The following FYB2 variants were observed in gnomAD, a reference collection of about 807,000 sequenced individuals.
FYB2 encodes FYN-binding protein 2.
A neutral mutation model predicts 94.1 loss-of-function variants in FYB2; 103 were observed. The observed-to-expected ratio is 1.09, with a 90% CI of 0.93 to 1.29. The LOEUF is 1.29. FYB2 is among the 50% of genes most tolerant of loss of function. The pLI is 0.00. For missense variants in FYB2, 896 were observed against 841.5 expected, an observed-to-expected ratio of 1.06 and a Z score of -0.80; for synonymous variants, 293 against 287.9, an observed-to-expected ratio of 1.02 and a Z score of -0.18.
At chr1:56,812,516 C>A (rs1180747853) in intron 1 of FYB2, among the ~76,000 whole-genome samples, 1 of 152,084 alleles carries the variant, frequency 6.6e-6, no homozygotes, top group East Asian at 1.9e-4. Flanking sequence ...TACAAAATTG[C>A]TTAATTATTA....
At chr1:56,761,119 G>A (rs1313015469) in intron 5 of FYB2, among the ~76,000 whole-genome samples, 1 of 152,134 alleles carries the variant, frequency 6.6e-6, no homozygotes, top group Admixed American at 6.6e-5. Flanking sequence ...GTCATGTCTT[G>A]GAGGCCTTTT....
At chr1:56,757,038 A>C (rs1645350541) in intron 6 of FYB2, among the ~76,000 whole-genome samples, 1 of 152,164 alleles carries the variant, frequency 6.6e-6, no homozygotes, top group African/African-American at 2.4e-5. Context: ...TCATTAAGAA[A>C]GGAAGAGATC....
chr1:56,755,788 C>A lies in FYB2; in HGVS notation c.1130+108G>T, dbSNP rs1645314181. On this transcript the variant is annotated intron_variant, in intron 7 of 19. Coordinates refer to ENST00000343433, the MANE Select transcript of FYB2 (RefSeq NM_001004303.5). The stretch of plus-strand genomic sequence containing the variant: ...TTGCAAGGTGCCGGGGAAACTGAAC[C>A]AGGCTAGCTCAGTTTGGAAACATAG... 2.7e-6 allele frequency: 3 copies of A among 1,098,504 alleles called. No individual in the cohort carries two copies. In the Admixed American group the frequency reaches 6.0e-5, roughly 22 times the overall value. The allele number at this position is 1,098,504 out of a possible 1,614,324, so 68.0% of individuals were successfully genotyped here. A position where few individuals can be genotyped will look rare whatever the true frequency, so the allele number is the denominator to read the frequency against.
At chr1:56,778,537 G>C (rs1774819) in intron 4 of FYB2, among the ~76,000 whole-genome samples, 118,185 of 152,102 alleles carry the variant, frequency 0.78, 46,951 homozygotes, top group East Asian at 0.97. Flanking sequence ...ATTAATTTTT[G>C]TCATTGAGCT....
chr1:56,737,258 G>T, intron 14 of FYB2, 111 bp from the exon 15 acceptor site: 2 of 685,512 alleles, frequency 2.9e-6, no homozygotes, highest in Non-Finnish European at 4.8e-6. Context: ...CTTCAGGTCT[G>T]TTTTAGCAAA....
chr1:56,812,621 G>A (rs533006948), intron 1 of FYB2, among the ~76,000 whole-genome samples: 2 of 152,156 alleles, frequency 1.3e-5, no homozygotes, highest in Non-Finnish European at 2.9e-5. Context: ...CTCCCCAGGG[G>A]CTTGTTATTT....
upstream of FYB2, among the ~76,000 whole-genome samples, chr1:56,820,129 G>A (rs957520603): frequency 2.6e-5 from 4 of 151,930 alleles, no homozygotes; most frequent in African/African-American, 9.7e-5. Flanking sequence ...TACTTGGGAG[G>A]CTGAGGCAGG....
At chr1:56,817,523 C>T in intron 1 of FYB2, among the ~76,000 whole-genome samples, 1 of 152,158 alleles carries the variant, frequency 6.6e-6, no homozygotes, top group East Asian at 1.9e-4. Context: ...TTTGTCTTCT[C>T]TCACTAGAAT....
intron 1 of FYB2, among the ~76,000 whole-genome samples, chr1:56,810,410 C>CCGAGGCAGCTAACAATGCTAGTACAGAA (rs1397693715): frequency 7.8e-4 from 118 of 152,100 alleles, no homozygotes; most frequent in Non-Finnish European, 1.5e-3. Flanking sequence ...CTGTTTCCCA[C>CCGAGGCAGCTAACAATGCTAGTACAGAA]CGAGGCAGCT....
At chr1:56,730,532 C>A (rs1333815763) in intron 15 of FYB2, among the ~76,000 whole-genome samples, 1 of 151,784 alleles carries the variant, frequency 6.6e-6, no homozygotes, top group African/African-American at 2.4e-5. Flanking sequence ...AATGGGAAAA[C>A]CTGGAGGAAA....
intron 6 of FYB2, among the ~76,000 whole-genome samples, chr1:56,758,348 A>T (rs974583730): frequency 6.7e-6 from 1 of 149,334 alleles, no homozygotes; most frequent in Admixed American, 6.6e-5. Flanking sequence ...ACCTGACACC[A>T]TGTCTAGCAG....
chr1:56,804,745 A>AAATG (rs1646601471), intron 1 of FYB2, among the ~76,000 whole-genome samples: 1 of 100,478 alleles, frequency 1.0e-5, no homozygotes, highest in African/African-American at 2.7e-5. Context: ...ATAAATAAAT[A>AAATG]AATACATAAA....
chr1:56,769,725 G>A (rs939202408), intron 4 of FYB2, among the ~76,000 whole-genome samples: 18 of 151,816 alleles, frequency 1.2e-4, no homozygotes, highest in Non-Finnish European at 7.4e-5. Context: ...ACTGGCAGAA[G>A]GGAAAAATGC....
intron 17 of FYB2, among the ~76,000 whole-genome samples, chr1:56,723,355 A>G (rs1644523777): frequency 6.6e-6 from 1 of 151,988 alleles, no homozygotes; most frequent in Non-Finnish European, 1.5e-5. Context: ...ACATTTGAAC[A>G]GAGCCTTCAA....
intron 4 of FYB2, among the ~76,000 whole-genome samples, chr1:56,786,805 C>T (rs1011871084): frequency 3.9e-5 from 6 of 152,098 alleles, no homozygotes; most frequent in African/African-American, 1.4e-4. Context: ...AAGGAGTACA[C>T]CAAAAATAGA....
At chr1:56,826,203 G>A in the FYB2 span, among the ~76,000 whole-genome samples, 1 of 152,228 alleles carries the variant, frequency 6.6e-6, no homozygotes, top group Admixed American at 6.5e-5. Flanking sequence ...GGGGTTGTAG[G>A]TTTAGTCCTG....
At chr1:56,723,343 T>G (rs970084764) in intron 17 of FYB2, among the ~76,000 whole-genome samples, 1 of 151,834 alleles carries the variant, frequency 6.6e-6, no homozygotes, top group Non-Finnish European at 1.5e-5. Context: ...GAGGAGTGGG[T>G]GACATTTGAA....
intron 15 of FYB2, 140 bp downstream of exon 15, chr1:56,736,947 C>T (rs1394794971): frequency 1.5e-6 from 1 of 683,134 alleles, no homozygotes; most frequent in Non-Finnish European, 2.5e-6. Flanking sequence ...GTTTTCCCCT[C>T]TTAGTGAGAA....
intron 19 of FYB2, 22 bp from the exon 20 acceptor site, chr1:56,719,714 CA>C: frequency 1.3e-6 from 2 of 1,558,340 alleles, no homozygotes; most frequent in Non-Finnish European, 1.8e-6. Context: ...TAAAAATATG[CA>C]AACATTTTAA....
Sources: gnomAD v4.1 joint callset for allele counts (sites outside exome capture counted in the v4.1 genomes callset) on GRCh38, gnomAD v4.1.1 for gene constraint, MANE v1.5 for transcripts, NCBI Gene and HGNC (gene_info 2026-07-23, HGNC 2026-07-21) for gene names.